The following PPP1R21 variants were observed in gnomAD, a reference collection of about 807,000 sequenced individuals.
PPP1R21 encodes the protein KLRAQ motif containing 1.
PPP1R21 carries 85 observed loss-of-function variants against 112.8 expected under a neutral mutation model. That is an observed-to-expected ratio of 0.75 (90% CI 0.63 to 0.90). The LOEUF (loss-of-function observed/expected upper bound fraction) is 0.90, where lower values mean the gene tolerates loss of function less well. Ranked by LOEUF, PPP1R21 falls within the 40% of genes least tolerant of loss-of-function variation. The pLI, the probability that PPP1R21 is intolerant of heterozygous loss-of-function variation, is 0.00. For missense variants in PPP1R21, 1,199 were observed against 901.5 expected (o/e 1.33, Z -4.23); for synonymous variants, 381 against 322.3 (o/e 1.18, Z -1.95).
intron 14 of PPP1R21, among the ~76,000 whole-genome samples, chr2:48,487,550 C>G (rs1317282047): frequency 6.6e-6 from 1 of 151,902 alleles, no homozygotes; most frequent in East Asian, 1.9e-4. Context: ...ATTGCTTGAG[C>G]CCAGGAGTTC....
intron 2 of PPP1R21, among the ~76,000 whole-genome samples, chr2:48,454,093 T>C (rs955974745): frequency 6.6e-6 from 1 of 152,096 alleles, no homozygotes; most frequent in Non-Finnish European, 1.5e-5. Context: ...ATGCTGTCTC[T>C]ACTAAAAATA....
At chr2:48,450,886 C>CAT (rs1169332219) in intron 1 of PPP1R21, 122 bp from the exon 2 acceptor site, 9 of 719,334 alleles carry the variant, frequency 1.3e-5, no homozygotes, top group African/African-American at 1.1e-4. Flanking sequence ...TTTTTGTTCT[C>CAT]ATATATATGT....
intron 6 of PPP1R21, among the ~76,000 whole-genome samples, chr2:48,460,747 T>TA (rs928895352): frequency 7.3e-5 from 11 of 151,548 alleles, no homozygotes; most frequent in African/African-American, 2.7e-4. Flanking sequence ...AAAAGAAGGC[T>TA]AATACAGTAT....
chr2:48,477,173 G>C (rs1350501226), intron 12 of PPP1R21, among the ~76,000 whole-genome samples: 1 of 143,778 alleles, frequency 7.0e-6, no homozygotes, highest in Non-Finnish European at 1.5e-5. Context: ...CCAGTCTGGA[G>C]TGCAGTGTCA....
chr2:48,488,668 G>A (rs751933445), intron 14 of PPP1R21, among the ~76,000 whole-genome samples: 114 of 152,138 alleles, frequency 7.5e-4, no homozygotes, highest in Non-Finnish European at 1.3e-3. Flanking sequence ...GCCTGAAACC[G>A]TAAAATGTCA....
intron 13 of PPP1R21, among the ~76,000 whole-genome samples, chr2:48,480,651 T>A (rs1159979258): frequency 3.9e-5 from 6 of 152,146 alleles, no homozygotes; most frequent in Non-Finnish European, 8.8e-5. Flanking sequence ...CTTCTAGGTT[T>A]TTTTTCCCTT....
chr2:48,448,626 G>C (rs895555433), intron 1 of PPP1R21, among the ~76,000 whole-genome samples: 2 of 144,644 alleles, frequency 1.4e-5, no homozygotes, highest in Non-Finnish European at 3.1e-5. Context: ...AAAATCTAAA[G>C]ACTGAAGCAG....
chr2:48,450,982 T>C (rs1572829408), intron 1 of PPP1R21, 26 bp from the exon 2 acceptor site: 5 of 1,605,678 alleles, frequency 3.1e-6, no homozygotes, highest in Non-Finnish European at 3.4e-6. Context: ...ATATTAGAAA[T>C]TGATTATTGC....
chr2:48,449,662 G>A (rs1558418219), intron 1 of PPP1R21, among the ~76,000 whole-genome samples: 3 of 152,112 alleles, frequency 2.0e-5, no homozygotes, highest in African/African-American at 7.2e-5. Flanking sequence ...TTTTGGCACA[G>A]AAAAGGGTCA....
chr2:48,504,116 T>G (rs569262447), intron 17 of PPP1R21, among the ~76,000 whole-genome samples: 1 of 152,174 alleles, frequency 6.6e-6, no homozygotes, highest in Non-Finnish European at 1.5e-5. Context: ...CAGTCATATT[T>G]GAATATGTAA....
intron 7 of PPP1R21, among the ~76,000 whole-genome samples, chr2:48,463,217 G>A (rs535965159): frequency 2.0e-5 from 3 of 152,224 alleles, no homozygotes; most frequent in Non-Finnish European, 4.4e-5. Context: ...AGTCAGGCCT[G>A]TGCAGGGTCC....
At chr2:48,441,954 G>A (rs530679475) in intron 1 of PPP1R21, among the ~76,000 whole-genome samples, 11 of 152,326 alleles carry the variant, frequency 7.2e-5, no homozygotes, top group Non-Finnish European at 1.3e-4. Context: ...TCGACAAATA[G>A]CAAGATGAAA....
intron 1 of PPP1R21, among the ~76,000 whole-genome samples, chr2:48,444,600 T>C (rs1363507471): frequency 6.6e-6 from 1 of 152,198 alleles, no homozygotes; most frequent in African/African-American, 2.4e-5. Context: ...CTAATTGTCT[T>C]TTCAATGTTT....
chr2:48,509,074 C>T (rs1031347005), intron 19 of PPP1R21, among the ~76,000 whole-genome samples: 3 of 152,126 alleles, frequency 2.0e-5, no homozygotes, highest in Non-Finnish European at 4.4e-5. Context: ...ATTTCATACC[C>T]TCTTTGAACA....
chr2:48,472,453 C>G lies in PPP1R21; in HGVS notation c.1088+1086C>G, dbSNP rs1008875648. Among the ~76,000 whole-genome samples, 5 of 150,962 alleles carry G rather than the reference C, an allele frequency of 3.3e-5. No homozygotes were observed. In the South Asian group the frequency reaches 8.4e-4, roughly 25 times the overall value. On this transcript the variant is annotated intron_variant, in intron 11 of 21. Transcript: ENST00000294952. The stretch of plus-strand genomic sequence containing the variant: ...TCAGCCTTGCCAACATGGCAAAACC[C>G]TGTTTCTACTAAAAATACAAAAATT...
At chr2:48,470,129 A>G (rs1038424007) in intron 9 of PPP1R21, among the ~76,000 whole-genome samples, 2 of 152,192 alleles carry the variant, frequency 1.3e-5, no homozygotes, top group Non-Finnish European at 1.5e-5. Context: ...CTTTTTGCCT[A>G]TAAATTTTCT....
chr2:48,467,286 T>G (rs1668250239), intron 9 of PPP1R21, among the ~76,000 whole-genome samples: 1 of 152,214 alleles, frequency 6.6e-6, no homozygotes, highest in Non-Finnish European at 1.5e-5. Flanking sequence ...TCTCCCCTGC[T>G]AATTCTAAAA....
Position 48,457,609 on chromosome 2 carries a change from A to G in PPP1R21, c.274-517A>G, listed in dbSNP as rs555196893. The stretch of plus-strand genomic sequence containing the variant: ...TAAAATAATCTTTGAGAATTTTCCT[A>G]TTTATTTATAATAGCTTTATTTTAT... On this transcript the variant is annotated intron_variant, in intron 3 of 21. Coordinates refer to ENST00000294952, the MANE Select transcript of PPP1R21 (RefSeq NM_001135629.3). Among the ~76,000 whole-genome samples the G allele has an allele frequency of 5.3e-5, 8 of 152,270 alleles. 1 individual carries two copies. In the East Asian group the frequency reaches 5.8e-4, roughly 11 times the overall value.
chr2:48,449,547 C>G (rs1459144807), intron 1 of PPP1R21, among the ~76,000 whole-genome samples: 3 of 152,174 alleles, frequency 2.0e-5, no homozygotes, highest in Non-Finnish European at 4.4e-5. Context: ...TTTGCTCAAA[C>G]TGTTGAATAT....
Sources: gnomAD v4.1 joint callset for allele counts (sites outside exome capture counted in the v4.1 genomes callset) on GRCh38, gnomAD v4.1.1 for gene constraint, MANE v1.5 for transcripts, NCBI Gene and HGNC (gene_info 2026-07-23, HGNC 2026-07-21) for gene names.